The following SRFBP1 variants were observed in gnomAD, a reference collection of about 807,000 sequenced individuals.
SRFBP1 encodes the protein serum response factor binding protein 1, also known as serum response factor-binding protein 1.
SRFBP1 carries 47 observed loss-of-function variants against 45.5 expected under a neutral mutation model. The observed-to-expected ratio is 1.03, with a 90% confidence interval of 0.82 to 1.32. The LOEUF (loss-of-function observed/expected upper bound fraction) is 1.32. Ranked by LOEUF, SRFBP1 falls within the 40% of genes most tolerant of loss-of-function variation. SRFBP1 has a pLI of 0.00. For missense variants in SRFBP1, 621 were observed against 484.6 expected, an observed-to-expected ratio of 1.28 and a Z score of -2.64; for synonymous variants, 203 against 166.3, an observed-to-expected ratio of 1.22 and a Z score of -1.70.
At chr5:122,057,527 A>G (rs939895177) in intron 2 of SRFBP1, among the ~76,000 whole-genome samples, 5 of 150,002 alleles carry the variant, frequency 3.3e-5, no homozygotes, top group Non-Finnish European at 5.9e-5. Flanking sequence ...GGGTCTCGCT[A>G]TTTTGCCCAG....
intron 2 of SRFBP1, 140 bp from the exon 3 acceptor site, chr5:121,975,175 G>A (rs1453967592): frequency 1.2e-6 from 1 of 829,186 alleles, no homozygotes; most frequent in Non-Finnish European, 1.9e-6. Flanking sequence ...TGGGGGAAAT[G>A]GACAGTGTAG....
chr5:122,070,944 CTT>C, intron 2 of SRFBP1, among the ~76,000 whole-genome samples: 1 of 152,254 alleles, frequency 6.6e-6, no homozygotes, highest in South Asian at 2.1e-4. Flanking sequence ...CAAATGTCCT[CTT>C]CTCAGTGAAA....
At chr5:121,997,732 T>A (rs1752761366) in intron 4 of SRFBP1, among the ~76,000 whole-genome samples, 1 of 151,800 alleles carries the variant, frequency 6.6e-6, no homozygotes, top group Non-Finnish European at 1.5e-5. Flanking sequence ...ACAGGCAACC[T>A]GCAAAATGGG....
chr5:122,057,410 G>T (rs1036738383), intron 2 of SRFBP1, among the ~76,000 whole-genome samples: 10 of 151,894 alleles, frequency 6.6e-5, no homozygotes, highest in African/African-American at 2.4e-4. Flanking sequence ...GAAACAAATA[G>T]TCCAGCTCAA....
chr5:122,058,101 C>T (rs1754113323), intron 2 of SRFBP1, among the ~76,000 whole-genome samples: 1 of 152,152 alleles, frequency 6.6e-6, no homozygotes, highest in Non-Finnish European at 1.5e-5. Flanking sequence ...CATTTAACCT[C>T]AAGCAGTTTA....
Position 121,962,082 on chromosome 5 carries a change from A to G in SRFBP1, c.36+14A>G, listed in dbSNP as rs750836975. ...CTCAATAACGAGGTGAGCGCCGAGG[A>G]ACCTATGGGGCTGACTTTAAGGGTC... On this transcript the variant is annotated intron_variant, in intron 1 of 7. Transcript: ENST00000339397. 2 of 1,613,952 alleles carry G rather than the reference A, an allele frequency of 1.2e-6. No homozygotes were observed.
chr5:121,998,810 G>A (rs1378386801), intron 4 of SRFBP1, among the ~76,000 whole-genome samples: 1 of 152,032 alleles, frequency 6.6e-6, no homozygotes, highest in African/African-American at 2.4e-5. Flanking sequence ...AATTAAATTA[G>A]GTGATTAAGA....
intron 7 of SRFBP1, among the ~76,000 whole-genome samples, chr5:122,022,992 C>T (rs1219750912): frequency 1.3e-5 from 2 of 152,188 alleles, no homozygotes; most frequent in African/African-American, 4.8e-5. Context: ...TGGCGTTTTC[C>T]TCCTCCAGGT....
At chr5:122,003,830 A>G (rs765600592) in intron 4 of SRFBP1, among the ~76,000 whole-genome samples, 4 of 152,048 alleles carry the variant, frequency 2.6e-5, no homozygotes, top group Non-Finnish European at 5.9e-5. Context: ...AACATTTTTT[A>G]TATATCTGTT....
intron 2 of SRFBP1, among the ~76,000 whole-genome samples, chr5:122,059,270 A>G (rs1421580013): frequency 1.3e-5 from 2 of 152,168 alleles, no homozygotes; most frequent in African/African-American, 4.8e-5. Flanking sequence ...TGGTCAGTCT[A>G]GACCTTGGAG....
chr5:122,052,616 T>G (rs1754008875), intron 2 of SRFBP1, among the ~76,000 whole-genome samples: 1 of 152,188 alleles, frequency 6.6e-6, no homozygotes, highest in African/African-American at 2.4e-5. Flanking sequence ...TAGTTCTTTT[T>G]TATAATGGCG....
At chr5:121,963,761 C>T (rs1752001387) in intron 1 of SRFBP1, among the ~76,000 whole-genome samples, 2 of 151,952 alleles carry the variant, frequency 1.3e-5, no homozygotes, top group African/African-American at 4.8e-5. Flanking sequence ...GAACTACACA[C>T]ATCCACCACT....
intron 3 of SRFBP1, among the ~76,000 whole-genome samples, chr5:121,976,760 A>G (rs890394895): frequency 2.7e-5 from 4 of 150,504 alleles, no homozygotes; most frequent in African/African-American, 9.7e-5. Context: ...TATAATATAT[A>G]TATGTGCATA....
intron 2 of SRFBP1, 122 bp from the exon 3 acceptor site, chr5:121,975,193 G>C (rs568682852): frequency 3.1e-6 from 3 of 964,586 alleles, no homozygotes; most frequent in African/African-American, 1.6e-5. Context: ...TAGGATAGTG[G>C]CGTGTTTGTT....
intron 4 of SRFBP1, among the ~76,000 whole-genome samples, chr5:121,998,383 G>T (rs1224190355): frequency 1.4e-5 from 2 of 146,194 alleles, no homozygotes; most frequent in Non-Finnish European, 3.0e-5. Context: ...GATGAAATTG[G>T]AAATCATCAT....
intron 4 of SRFBP1, among the ~76,000 whole-genome samples, chr5:122,017,111 C>G (rs940302852): frequency 1.3e-5 from 2 of 152,108 alleles, no homozygotes; most frequent in African/African-American, 4.8e-5. Context: ...TGCCTGTAGT[C>G]CCAGCTACTC....
intron 1 of SRFBP1, among the ~76,000 whole-genome samples, chr5:121,971,923 G>C (rs1309258911): frequency 6.6e-6 from 1 of 151,978 alleles, no homozygotes; most frequent in Non-Finnish European, 1.5e-5. Context: ...TTAGTAGACT[G>C]ATGAGGATGA....
At chr5:121,992,431 C>T (rs1752638520) in intron 3 of SRFBP1, among the ~76,000 whole-genome samples, 1 of 151,976 alleles carries the variant, frequency 6.6e-6, no homozygotes, top group East Asian at 1.9e-4. Flanking sequence ...GCATCTCCTT[C>T]TCTGACCTTT....
At chr5:122,053,697 G>A (rs1490077616) in intron 2 of SRFBP1, among the ~76,000 whole-genome samples, 2 of 151,978 alleles carry the variant, frequency 1.3e-5, no homozygotes, top group African/African-American at 4.8e-5. Flanking sequence ...TGGGTGGAGT[G>A]TCATGCACCC....
Sources: allele counts gnomAD v4.1 joint callset (sites outside exome capture counted in the v4.1 genomes callset), GRCh38; gene constraint gnomAD v4.1.1; transcripts MANE v1.5; gene names NCBI Gene and HGNC (gene_info 2026-07-23, HGNC 2026-07-21).